Variants in BCL11B observed in about 807,000 individuals in gnomAD.
BCL11B encodes the protein B-cell lymphoma/leukemia 11B.
A neutral mutation model predicts 49.9 loss-of-function variants in BCL11B; 8 were observed. The ratio of observed to expected loss-of-function variants is 0.16; its 90% CI spans 0.09 to 0.29. The LOEUF is 0.29. Ranked by LOEUF, BCL11B falls within the 10% of genes least tolerant of loss-of-function variation. The pLI is 1.00. For synonymous variants in BCL11B, 739 were observed against 637.4 expected (o/e 1.16, Z -2.40); for missense variants, 1,006 against 1,351.0 (o/e 0.74, Z 4.00).
intron 3 of BCL11B, among the ~76,000 whole-genome samples, chr14:99,198,771 A>C (rs1212022658): frequency 3.3e-5 from 5 of 152,168 alleles, no homozygotes; most frequent in Non-Finnish European, 7.3e-5. Context: ...CCTAAGACAC[A>C]AGAATACCTG....
chr14:99,190,359 T>G (rs1020452017), intron 3 of BCL11B, among the ~76,000 whole-genome samples: 10 of 152,188 alleles, frequency 6.6e-5, no homozygotes, highest in African/African-American at 1.7e-4. Context: ...CGTGGTGGCA[T>G]GCGCCTGTAG....
At chr14:99,237,809 A>G (rs995016268) in intron 2 of BCL11B, among the ~76,000 whole-genome samples, 4 of 152,196 alleles carry the variant, frequency 2.6e-5, no homozygotes, top group African/African-American at 9.6e-5. Flanking sequence ...GAAAGACAGC[A>G]GTCCTTGCAG....
Position 99,170,604 on chromosome 14 carries a change from G to C in BCL11B, c.*3547C>G, listed in dbSNP as rs752333652. ...AAAAAAGGACCAATGGAGGATGAAGGATGGAGAGGAAACGCAGGGGAAGGA... is the reference window on the plus strand; with the variant it reads ...AAAAAAGGACCAATGGAGGATGAAGCATGGAGAGGAAACGCAGGGGAAGGA... On this transcript the variant is annotated 3_prime_UTR_variant, in exon 4 of 4. Coordinates refer to ENST00000357195, the MANE Select transcript of BCL11B (RefSeq NM_138576.4). 4.3e-6 allele frequency: 1 copy of C among 232,538 alleles called. No homozygotes were observed. The highest frequency in any genetic ancestry group is 2.2e-5 in the African/African-American group (1 of 45,238). 14.4% of individuals were successfully genotyped at this position (232,538 alleles called of 1,614,324 possible).
At chr14:99,211,409 TG>T (rs149260724) in intron 3 of BCL11B, among the ~76,000 whole-genome samples, 60 of 152,322 alleles carry the variant, frequency 3.9e-4, no homozygotes, top group Non-Finnish European at 7.6e-4. Context: ...TCCTGGCCTG[TG>T]CCTTTTGCTG....
intron 1 of BCL11B, among the ~76,000 whole-genome samples, chr14:99,266,981 T>G (rs1260573311): frequency 1.3e-5 from 2 of 152,222 alleles, no homozygotes; most frequent in African/African-American, 4.8e-5. Context: ...TGTAAACGAC[T>G]GTTTTCTGTG....
rs745579908 is a variant in BCL11B at position 99,174,505 on chromosome 14, C to G, written c.2331G>C (p.Pro777=). ...GCCCGGGGCCCGGGCCGCCCAGGTG[C>G]GGGGTGCTGCCTCCGCTGGCCGTGC... ...RSGTASGGST[P]HLGGPGPGRP... The change falls in exon 4 of 4, where the codon CCG becomes CCC. Residue 777 remains proline (P), a synonymous_variant. Transcript: ENST00000357195. 6.5e-7 allele frequency: 1 copy of G among 1,542,808 alleles called. No individual in the cohort carries two copies. Among genetic ancestry groups the G allele is most frequent in the African/African-American group, 1.4e-5 (1 of 72,592 alleles).
chr14:99,198,563 T>C (rs940828975), intron 3 of BCL11B, among the ~76,000 whole-genome samples: 1 of 152,188 alleles, frequency 6.6e-6, no homozygotes, highest in Non-Finnish European at 1.5e-5. Flanking sequence ...TGTATACGTA[T>C]GAGCCTATGC....
At chr14:99,189,912 G>A (rs1024244873) in intron 3 of BCL11B, among the ~76,000 whole-genome samples, 1 of 152,228 alleles carries the variant, frequency 6.6e-6, no homozygotes, top group African/African-American at 2.4e-5. Flanking sequence ...CCCAGGGGAG[G>A]TGGAGTTCTG....
At chr14:99,256,922 C>T (rs1889180036) in intron 2 of BCL11B, among the ~76,000 whole-genome samples, 1 of 152,138 alleles carries the variant, frequency 6.6e-6, no homozygotes, top group Non-Finnish European at 1.5e-5. Flanking sequence ...TCATTTCACA[C>T]ATGGGAAACT....
At position 99,195,222 on chromosome 14, in the gene BCL11B, G is replaced by C. The variant is rs148159530; in HGVS notation, c.641-19027C>G. On this transcript the variant is annotated intron_variant, in intron 3 of 3. Transcript: ENST00000357195. The surrounding 1 kb of genome is among the most constrained non-coding windows in gnomAD (Gnocchi z 4.7). ...TGTGGAGCGAACTACCTGGCTTCCT[G>C]ACCTGTACTTTCAAGCCCCACTGTC... Among the ~76,000 whole-genome samples, 21 of 152,246 alleles carry C rather than the reference G, an allele frequency of 1.4e-4. No individual in the cohort carries two copies. Among genetic ancestry groups the C allele is most frequent in the Admixed American group, 7.2e-4 (11 of 15,296 alleles).
At chr14:99,180,583 C>T (rs1193332329) in intron 3 of BCL11B, among the ~76,000 whole-genome samples, 1 of 152,208 alleles carries the variant, frequency 6.6e-6, no homozygotes, top group Non-Finnish European at 1.5e-5. Context: ...GGCTTGACTT[C>T]CTCATCAGTA....
At chr14:99,237,698 G>C (rs1045224095) in intron 2 of BCL11B, among the ~76,000 whole-genome samples, 1 of 152,170 alleles carries the variant, frequency 6.6e-6, no homozygotes, top group Non-Finnish European at 1.5e-5. Context: ...GGTCTCACAA[G>C]GGTTTGCACA....
At position 99,232,296 on chromosome 14, in the gene BCL11B, G is replaced by A. The variant is rs1013643889; in HGVS notation, c.428-739C>T. On this transcript the variant is annotated intron_variant, in intron 2 of 3. Transcript: ENST00000357195. This position sits in a 1 kb window ranked among gnomAD's most constrained non-coding sequence, Gnocchi z 5.1. Reference sequence around the variant, plus strand: ...ACAGCAAGGACACAGGGCCAGGGCCGGCCCCGCCTCTGCCCAGCCCCACAG... The same window carrying A: ...ACAGCAAGGACACAGGGCCAGGGCCAGCCCCGCCTCTGCCCAGCCCCACAG... Among the ~76,000 whole-genome samples, 5 of 152,314 alleles carry A rather than the reference G, an allele frequency of 3.3e-5. No individual in the cohort carries two copies. The highest frequency in any genetic ancestry group is 1.2e-4 in the African/African-American group (5 of 41,586).
In BCL11B at chr14:99,221,810, G is replaced by A. The variant is rs149091997; in HGVS notation, c.640+9535C>T. ...AGCTGGGAGAGAAGGCCCCACCTGGGCACCCCATCGCAGTGAGTTCCTCTA... is the reference window on the plus strand; with the variant it reads ...AGCTGGGAGAGAAGGCCCCACCTGGACACCCCATCGCAGTGAGTTCCTCTA... On this transcript the variant is annotated intron_variant, in intron 3 of 3. Transcript: ENST00000357195. Among the ~76,000 whole-genome samples the A allele has an allele frequency of 4.5e-3, 682 of 152,356 alleles. 4 individuals are homozygous for A. Among genetic ancestry groups the A allele is most frequent in the African/African-American group, 0.016 (645 of 41,596 alleles).
rs1350554506 is a variant in BCL11B at position 99,242,240 on chromosome 14, C to T, written c.428-10683G>A. Among the ~76,000 whole-genome samples, 2 of 152,200 alleles carry T rather than the reference C, an allele frequency of 1.3e-5. No homozygotes were observed. The highest frequency in any genetic ancestry group is 2.9e-5 in the Non-Finnish European group (2 of 68,038). On this transcript the variant is annotated intron_variant, in intron 2 of 3. Transcript: ENST00000357195. This position sits in a 1 kb window ranked among gnomAD's most constrained non-coding sequence, Gnocchi z 4.4. ...GCTGCCACTAACAAAAGATGGAAGA[C>T]CCAGTTCATACAGACAATATTTACA...
At position 99,170,593 on chromosome 14, in the gene BCL11B, G is replaced by A. The variant is rs1160374358; in HGVS notation, c.*3558C>T. ...AATGAAAGAAAAAAAAAGGACCAAT[G>A]GAGGATGAAGGATGGAGAGGAAACG... On this transcript the variant is annotated 3_prime_UTR_variant, in exon 4 of 4. Coordinates refer to ENST00000357195, the MANE Select transcript of BCL11B (RefSeq NM_138576.4). 2 of 232,670 alleles carry A rather than the reference G, an allele frequency of 8.6e-6. No individual in the cohort carries two copies. The highest frequency in any genetic ancestry group is 1.7e-5 in the Non-Finnish European group (2 of 117,506). The allele number at this position is 232,670 out of a possible 1,614,324, so 14.4% of individuals were successfully genotyped here.
chr14:99,267,282 A>AAAG (rs1245309966), intron 1 of BCL11B, among the ~76,000 whole-genome samples: 2 of 151,924 alleles, frequency 1.3e-5, no homozygotes, highest in African/African-American at 4.8e-5. Context: ...AAAAAAAAGA[A>AAAG]AAGAAAAGAA....
rs375263416 is a variant in BCL11B at position 99,174,709 on chromosome 14, C to G, written c.2127G>C (p.Ser709=). The G allele has an allele frequency of 1.3e-6, 2 of 1,565,052 alleles. No individual in the cohort carries two copies. Among genetic ancestry groups the G allele is most frequent in the Non-Finnish European group, 1.7e-6 (2 of 1,157,034 alleles). The change falls in exon 4 of 4, where the codon TCG becomes TCC. Residue 709 remains serine, a synonymous_variant. Transcript: ENST00000357195. ...AALIPSENVY[S]QWLVGYAASR... Reference sequence around the variant, plus strand: ...ACGCCGCGTAGCCCACCAGCCACTGCGAGTACACGTTCTCGGACGGGATGA... The same window carrying G: ...ACGCCGCGTAGCCCACCAGCCACTGGGAGTACACGTTCTCGGACGGGATGA...
chr14:99,252,459 C>G (rs537056197), intron 2 of BCL11B, among the ~76,000 whole-genome samples: 1 of 152,166 alleles, frequency 6.6e-6, no homozygotes, highest in Non-Finnish European at 1.5e-5. Context: ...CAAAGCAGCA[C>G]GTAAATCCCT....
Sources: gnomAD v4.1 joint callset for allele counts (sites outside exome capture counted in the v4.1 genomes callset) on GRCh38, gnomAD v4.1.1 for gene constraint, Gnocchi (gnomAD v3.1) non-coding constraint, MANE v1.5 for transcripts, NCBI Gene and HGNC (gene_info 2026-07-23, HGNC 2026-07-21) for gene names.